PTPRS: variants seen among roughly 807,000 people sequenced by gnomAD.
The protein encoded by PTPRS is protein tyrosine phosphatase receptor type S, also known as receptor-type tyrosine-protein phosphatase S.
PTPRS carries 63 observed loss-of-function variants against 215.3 expected under a neutral mutation model. The ratio of observed to expected loss-of-function variants is 0.29; its 90% CI spans 0.24 to 0.36. The LOEUF (loss-of-function observed/expected upper bound fraction) is 0.36, where lower values mean the gene tolerates loss of function less well. Ranked by LOEUF, PTPRS falls within the 10% of genes least tolerant of loss-of-function variation. PTPRS has a pLI of 1.00. For missense variants in PTPRS, 2,258 were observed against 2,825.8 expected, an observed-to-expected ratio of 0.80 and a Z score of 4.56; for synonymous variants, 1,404 against 1,191.4, an observed-to-expected ratio of 1.18 and a Z score of -3.68.
At chr19:5,297,827 C>T (rs1456475847) in intron 1 of PTPRS, among the ~76,000 whole-genome samples, 1 of 138,886 alleles carries the variant, frequency 7.2e-6, no homozygotes, top group East Asian at 2.1e-4. Flanking sequence ...GAGTCTCGTT[C>T]CATCGCCCAG....
At chr19:5,276,538 T>G (rs1226514103) in intron 2 of PTPRS, among the ~76,000 whole-genome samples, 2 of 150,000 alleles carry the variant, frequency 1.3e-5, no homozygotes, top group Non-Finnish European at 3.0e-5. Flanking sequence ...TACGTGTTTT[T>G]TTTTTGTTTT....
intron 2 of PTPRS, among the ~76,000 whole-genome samples, chr19:5,281,535 C>T (rs1300545355): frequency 6.6e-6 from 1 of 152,136 alleles, no homozygotes; most frequent in Non-Finnish European, 1.5e-5. Context: ...GGGTTTCTGC[C>T]TCCAAAGCCG....
At chr19:5,208,143 C>T in intron 36 of PTPRS, 86 bp from the exon 37 acceptor site, 1 of 1,572,252 alleles carries the variant, frequency 6.4e-7, no homozygotes, top group Non-Finnish European at 8.7e-7. Context: ...AGGACTCTAA[C>T]AGCCCAGATG....
chr19:5,304,884 A>C (rs918368430), intron 1 of PTPRS, among the ~76,000 whole-genome samples: 5 of 133,420 alleles, frequency 3.7e-5, no homozygotes, highest in African/African-American at 1.1e-4. Context: ...ACAGAAAAGG[A>C]GAGGGTGGGG....
intron 12 of PTPRS, among the ~76,000 whole-genome samples, chr19:5,239,757 AAG>A (rs1470413933): frequency 2.6e-5 from 4 of 151,998 alleles, no homozygotes; most frequent in Non-Finnish European, 5.9e-5. Flanking sequence ...GAGAGACAGA[AAG>A]AGAGGCAGAG....
rs150241840 is a variant in PTPRS at position 5,212,428 on chromosome 19, C to T, written c.4678G>A (p.Val1560Met). The change falls in exon 31 of 38, where the codon GTG becomes ATG. Residue 1560 changes from valine to methionine, a missense_variant. Physicochemically the swap from Val to Met is conservative, Grantham distance 21. Transcript: ENST00000262963. ...FQFTAWPDHG[V>M]PEYPTPFLAF... ...AGGAAGGGCGTTGGGTATTCGGGCACGCCATGGTCCGGCCACGCCGTAAAC... is the reference window on the plus strand; with the variant it reads ...AGGAAGGGCGTTGGGTATTCGGGCATGCCATGGTCCGGCCACGCCGTAAAC... 3.6e-5 allele frequency: 58 copies of T among 1,600,850 alleles called. 1 individual carries two copies. Among genetic ancestry groups the T allele is most frequent in the South Asian group, 2.2e-4 (20 of 89,344 alleles).
chr19:5,300,781 A>AAAAG (rs1555805023), intron 1 of PTPRS, among the ~76,000 whole-genome samples: 4 of 151,226 alleles, frequency 2.6e-5, no homozygotes, highest in Non-Finnish European at 3.0e-5. Context: ...AAAAAAAAAA[A>AAAAG]AAAAGAAAAG....
intron 2 of PTPRS, chr19:5,278,014 C>G: frequency 1.6e-6 from 2 of 1,234,686 alleles, no homozygotes; most frequent in East Asian, 4.7e-5. Context: ...AACAAATCTC[C>G]CTGTGCTGAG....
At chr19:5,286,531 G>A (rs1379328930) in intron 1 of PTPRS, 2 of 230,952 alleles carry the variant, frequency 8.7e-6, no homozygotes, top group African/African-American at 4.4e-5. Flanking sequence ...CCTCATGAAC[G>A]GGATTAGTGT....
rs572113691 is a variant in PTPRS, at chr19:5,210,817, G to A, written c.5235-12C>T. Reference sequence around the variant, plus strand: ...AGGCCTTCTGCTGCCTGCAGGCGTTGGGGGTATGAGCCCAGGGCCGGCAGG... The same window carrying A: ...AGGCCTTCTGCTGCCTGCAGGCGTTAGGGGTATGAGCCCAGGGCCGGCAGG... On this transcript the variant is annotated splice_polypyrimidine_tract_variant and intron_variant, in intron 33 of 37. Transcript: ENST00000262963. The surrounding 1 kb of genome is among the most constrained non-coding windows in gnomAD (Gnocchi z 4.5). The A allele has an allele frequency of 5.6e-6, 9 of 1,612,230 alleles. No individual in the cohort carries two copies. In the East Asian group the frequency reaches 2.0e-4, roughly 36 times the overall value.
intron 28 of PTPRS, 82 bp downstream of exon 28, chr19:5,215,207 A>G: frequency 6.4e-7 from 1 of 1,562,562 alleles, no homozygotes; most frequent in Admixed American, 1.7e-5. Flanking sequence ...ATCAGGCCTC[A>G]GTGGCCCAAG....
intron 33 of PTPRS, 126 bp downstream of exon 33, chr19:5,211,462 GAT>G: frequency 1.1e-6 from 1 of 895,218 alleles, no homozygotes; most frequent in Non-Finnish European, 1.6e-6. Context: ...TACATCTAAA[GAT>G]GTGTATTTAA....
In PTPRS at chr19:5,206,496, C is replaced by G. The variant is rs923946904; in HGVS notation, c.*278G>C. On this transcript the variant is annotated 3_prime_UTR_variant, in exon 38 of 38. Coordinates refer to ENST00000262963, the MANE Select transcript of PTPRS (RefSeq NM_002850.4). Reference sequence around the variant, plus strand: ...CACTCCTATTTGCTCACCATCCCCCCACCCCCCACCCCGGAATCTGGTTTT... The same window carrying G: ...CACTCCTATTTGCTCACCATCCCCCGACCCCCCACCCCGGAATCTGGTTTT... 5 of 381,374 alleles carry G rather than the reference C, an allele frequency of 1.3e-5. No individual in the cohort carries two copies. The highest frequency in any genetic ancestry group is 4.8e-5 in the East Asian group (1 of 20,814). The allele number at this position is 381,374 out of a possible 1,614,324, so 23.6% of individuals were successfully genotyped here. A position where few individuals can be genotyped will look rare whatever the true frequency, so the allele number is the denominator to read the frequency against.
rs1428789538 is a variant in PTPRS, at chr19:5,257,512, C to T, written c.706+505G>A. On this transcript the variant is annotated intron_variant, in intron 8 of 37. Coordinates refer to ENST00000262963, the MANE Select transcript of PTPRS (RefSeq NM_002850.4). The surrounding 1 kb of genome is among the most constrained non-coding windows in gnomAD (Gnocchi z 4.4). Reference sequence around the variant, plus strand: ...GTGGGAGGGGCAGCCTCGAAGACCCCTCCTCAACTTCTAGATTGAGGGCCC... The same window carrying T: ...GTGGGAGGGGCAGCCTCGAAGACCCTTCCTCAACTTCTAGATTGAGGGCCC... 1 of 453,998 alleles carries T rather than the reference C, an allele frequency of 2.2e-6. No individual in the cohort carries two copies. Among genetic ancestry groups the T allele is most frequent in the African/African-American group, 2.0e-5 (1 of 50,058 alleles). 28.1% of individuals were successfully genotyped at this position (453,998 alleles called of 1,614,324 possible). A position where few individuals can be genotyped will look rare whatever the true frequency, so the allele number is the denominator to read the frequency against.
intron 17 of PTPRS, among the ~76,000 whole-genome samples, chr19:5,224,381 A>T (rs1255998457): frequency 6.6e-6 from 1 of 152,190 alleles, no homozygotes; most frequent in African/African-American, 2.4e-5. Flanking sequence ...TCCTCCTTCC[A>T]TTAATAAGGC....
In PTPRS at chr19:5,257,305, T is replaced by C. The variant is rs775547856; in HGVS notation, c.706+712A>G. 6 of 407,478 alleles carry C rather than the reference T, an allele frequency of 1.5e-5. No individual in the cohort carries two copies. The highest frequency in any genetic ancestry group is 1.0e-4 in the Admixed American group (4 of 38,244). 25.2% of individuals were successfully genotyped at this position (407,478 alleles called of 1,614,324 possible). On this transcript the variant is annotated intron_variant, in intron 8 of 37. Transcript: ENST00000262963. The surrounding 1 kb of genome is among the most constrained non-coding windows in gnomAD (Gnocchi z 4.4). ...GCTGCTGGGCATGACTGAGTGGGAA[T>C]TGGAAACTGAGAGTAACAAGCTTCG...
At chr19:5,267,140 C>T (rs554838304) in intron 4 of PTPRS, among the ~76,000 whole-genome samples, 11 of 151,844 alleles carry the variant, frequency 7.2e-5, no homozygotes, top group Non-Finnish European at 8.8e-5. Flanking sequence ...AGGTCTCCAG[C>T]GCTCGGTATC....
intron 1 of PTPRS, among the ~76,000 whole-genome samples, chr19:5,340,367 C>T (rs992453735): frequency 6.6e-6 from 1 of 151,432 alleles, no homozygotes; most frequent in African/African-American, 2.4e-5. Context: ...GCTCTGGGCG[C>T]TTCCAGCCCA....
chr19:5,239,283 A>C (rs184994180), intron 12 of PTPRS, among the ~76,000 whole-genome samples: 9 of 152,032 alleles, frequency 5.9e-5, no homozygotes, highest in African/African-American at 2.2e-4. Context: ...AGATACAGAC[A>C]GAAAAAGAGG....
Sources: gnomAD v4.1 joint callset for allele counts (sites outside exome capture counted in the v4.1 genomes callset) on GRCh38, gnomAD v4.1.1 for gene constraint, Gnocchi (gnomAD v3.1) non-coding constraint, MANE v1.5 for transcripts, NCBI Gene and HGNC (gene_info 2026-07-23, HGNC 2026-07-21) for gene names.